The following PDE9A variants were observed in gnomAD, a reference collection of about 807,000 sequenced individuals.
PDE9A encodes phosphodiesterase 9A, also known as high affinity cGMP-specific 3',5'-cyclic phosphodiesterase 9A.
PDE9A carries 60 observed loss-of-function variants against 87.4 expected under a neutral mutation model. The observed-to-expected ratio is 0.69, with a 90% confidence interval of 0.56 to 0.85. The LOEUF (loss-of-function observed/expected upper bound fraction) is 0.85. PDE9A is among the 40% of genes least tolerant of loss of function. The pLI is 0.00. For missense variants in PDE9A, 665 were observed against 779.0 expected (o/e 0.85, Z 1.74); for synonymous variants, 272 against 279.4 (o/e 0.97, Z 0.27).
chr21:42,661,481 C>T (rs896977850), intron 1 of PDE9A, among the ~76,000 whole-genome samples: 5 of 141,504 alleles, frequency 3.5e-5, no homozygotes, highest in Non-Finnish European at 7.7e-5. Flanking sequence ...GAAGTGGAAT[C>T]ACACAGGATC....
Position 42,769,076 on chromosome 21 carries a change from G to C in PDE9A, c.1511G>C (p.Arg504Pro). ...EGLPVAPFMD[R>P]DKVTKATAQI... ...CTTCCTGTGGCACCGTTCATGGACCGAGACAAAGTGACCAAGGCCACAGCC... is the reference window on the plus strand; with the variant it reads ...CTTCCTGTGGCACCGTTCATGGACCCAGACAAAGTGACCAAGGCCACAGCC... Residue 504 changes from arginine to proline, a missense_variant, in exon 17 of 20, where the codon CGA becomes CCA. Physicochemically the swap from Arg to Pro is moderately radical, Grantham distance 103. Coordinates refer to ENST00000291539, the MANE Select transcript of PDE9A (RefSeq NM_002606.3). 1.2e-6 allele frequency: 2 copies of C among 1,613,770 alleles called. No homozygotes were observed. The highest frequency in any genetic ancestry group is 1.7e-6 in the Non-Finnish European group (2 of 1,179,730).
chr21:42,687,170 G>T (rs553381327), intron 2 of PDE9A, among the ~76,000 whole-genome samples: 94 of 152,320 alleles, frequency 6.2e-4, no homozygotes, highest in Non-Finnish European at 6.5e-4. Flanking sequence ...AAGTTAGGAC[G>T]GAGGTGGAGA....
chr21:42,693,464 A>G (rs1314888724), intron 3 of PDE9A, among the ~76,000 whole-genome samples: 1 of 150,802 alleles, frequency 6.6e-6, no homozygotes, highest in African/African-American at 2.4e-5. Flanking sequence ...ACGCCCAGCT[A>G]ATTTTTTGTG....
rs556007301 is a variant in PDE9A, at chr21:42,738,492, C to T, written c.568+5066C>T. On this transcript the variant is annotated intron_variant, in intron 7 of 19. Transcript: ENST00000291539. ...GCACAGAGCCTCCTGAGCCTCGGCT[C>T]AGCTCTCCCCGACCCCCAGCTCGGC... Among the ~76,000 whole-genome samples the T allele has an allele frequency of 5.9e-5, 9 of 152,220 alleles. No individual in the cohort carries two copies. The South Asian group carries it at 1.9e-3, about 32-fold the overall frequency.
At chr21:42,665,280 G>A (rs2145879879) in intron 1 of PDE9A, among the ~76,000 whole-genome samples, 1 of 152,232 alleles carries the variant, frequency 6.6e-6, no homozygotes, top group East Asian at 1.9e-4. Flanking sequence ...CCGGAGCCAA[G>A]AGAGATAAAC....
intron 7 of PDE9A, among the ~76,000 whole-genome samples, chr21:42,742,744 C>T (rs1333549792): frequency 6.6e-6 from 1 of 151,996 alleles, no homozygotes. Flanking sequence ...GGATTACAGG[C>T]GTGAGCCACT....
intron 1 of PDE9A, among the ~76,000 whole-genome samples, chr21:42,683,022 C>T (rs913653929): frequency 3.3e-5 from 5 of 152,228 alleles, no homozygotes; most frequent in African/African-American, 1.2e-4. Context: ...TACAAAAAAT[C>T]TAGGTCGTTA....
chr21:42,666,966 C>T (rs1227402640), intron 1 of PDE9A, among the ~76,000 whole-genome samples: 1 of 152,220 alleles, frequency 6.6e-6, no homozygotes, highest in Non-Finnish European at 1.5e-5. Flanking sequence ...AGGTCCCGCG[C>T]CTGGTGACCG....
intron 17 of PDE9A, 127 bp from the exon 18 acceptor site, chr21:42,770,576 G>A (rs1185271373): frequency 2.1e-5 from 14 of 675,674 alleles, no homozygotes; most frequent in East Asian, 2.7e-5. Context: ...GAGCCGGCAC[G>A]AGGGTGTCCA....
chr21:42,761,915 C>T (rs921761985), intron 13 of PDE9A, among the ~76,000 whole-genome samples, 168 bp from the exon 14 acceptor site: 5 of 152,104 alleles, frequency 3.3e-5, no homozygotes, highest in East Asian at 1.9e-4. Context: ...GGCAGCTGAG[C>T]GGCAGGAGGG....
At chr21:42,763,245 A>G (rs2056008558) in intron 14 of PDE9A, among the ~76,000 whole-genome samples, 1 of 152,232 alleles carries the variant, frequency 6.6e-6, no homozygotes, top group Non-Finnish European at 1.5e-5. Context: ...AGCGTCCTTC[A>G]AACAAGGTCC....
intron 4 of PDE9A, among the ~76,000 whole-genome samples, chr21:42,708,918 C>G (rs956552044): frequency 1.3e-5 from 2 of 152,100 alleles, no homozygotes; most frequent in African/African-American, 4.8e-5. Context: ...CCACCCAAAC[C>G]AGAAATACCA....
chr21:42,687,818 T>C, intron 2 of PDE9A, 99 bp from the exon 3 acceptor site: 2 of 1,015,772 alleles, frequency 2.0e-6, no homozygotes, highest in Non-Finnish European at 3.1e-6. Context: ...GTCCTGGGAC[T>C]GTCCTGGTTG....
chr21:42,769,722 A>ACACACTCGTG (rs1313406351), intron 17 of PDE9A, among the ~76,000 whole-genome samples: 9 of 148,764 alleles, frequency 6.0e-5, no homozygotes, highest in Middle Eastern at 3.2e-3. Flanking sequence ...ACACGCAGGC[A>ACACACTCGTG]CACACGTACA....
In PDE9A at chr21:42,702,667, C is replaced by T. The variant is rs2048471498; in HGVS notation, c.262+3656C>T. ...GATGCCTTTGAGCCCCACCTTTAAGCTTTGTGAGAATGGCTCTAGAGGGCC... is the reference window on the plus strand; with the variant it reads ...GATGCCTTTGAGCCCCACCTTTAAGTTTTGTGAGAATGGCTCTAGAGGGCC... On this transcript the variant is annotated intron_variant, in intron 4 of 19. Transcript: ENST00000291539. The surrounding 1 kb of genome is among the most constrained non-coding windows in gnomAD (Gnocchi z 4.9). Among the ~76,000 whole-genome samples the T allele has an allele frequency of 6.6e-6, 1 of 152,230 alleles. No individual in the cohort carries two copies. The highest frequency in any genetic ancestry group is 2.1e-4 in the South Asian group (1 of 4,834).
intron 1 of PDE9A, among the ~76,000 whole-genome samples, chr21:42,666,165 G>T (rs1265083641): frequency 2.0e-5 from 3 of 152,150 alleles, no homozygotes; most frequent in Non-Finnish European, 4.4e-5. Flanking sequence ...GGTCATTCGT[G>T]CAGTGGGCGT....
chr21:42,704,750 G>C lies in PDE9A; in HGVS notation c.262+5739G>C, dbSNP rs1602159226. Among the ~76,000 whole-genome samples, 1 of 151,968 alleles carries C rather than the reference G, an allele frequency of 6.6e-6. No homozygotes were observed. Among genetic ancestry groups the C allele is most frequent in the Admixed American group, 6.6e-5 (1 of 15,254 alleles). On this transcript the variant is annotated intron_variant, in intron 4 of 19. Coordinates refer to ENST00000291539, the MANE Select transcript of PDE9A (RefSeq NM_002606.3). This position sits in a 1 kb window ranked among gnomAD's most constrained non-coding sequence, Gnocchi z 5.3. The stretch of plus-strand genomic sequence containing the variant: ...TTTCTAGACTAGCACAAGGCTCAGG[G>C]GGTGGGGGGTGGGGGCAGGGTGCAG...
At position 42,699,126 on chromosome 21, in the gene PDE9A, A is replaced by G. The variant is rs142554955; in HGVS notation, c.262+115A>G. 0.01 allele frequency: 7,167 copies of G among 707,610 alleles called. 58 individuals carry two copies. The highest frequency in any genetic ancestry group is 0.014 in the Non-Finnish European group (5,503 of 394,522). The allele number at this position is 707,610 out of a possible 1,614,324, so 43.8% of individuals were successfully genotyped here. A position where few individuals can be genotyped will look rare whatever the true frequency, so the allele number is the denominator to read the frequency against. On this transcript the variant is annotated intron_variant, in intron 4 of 19. Transcript: ENST00000291539. ...TTGAATCTAAGCATTTGAAATATAT[A>G]TGAGTTACCTTTGAAGCATTTAACT...
At chr21:42,683,193 T>A (rs1240998847) in intron 1 of PDE9A, among the ~76,000 whole-genome samples, 2 of 151,984 alleles carry the variant, frequency 1.3e-5, no homozygotes, top group African/African-American at 4.8e-5. Flanking sequence ...GGCTGCAGCC[T>A]CATGAAGCCA....
Sources: allele counts gnomAD v4.1 joint callset (sites outside exome capture counted in the v4.1 genomes callset), GRCh38; gene constraint gnomAD v4.1.1; non-coding constraint Gnocchi (gnomAD v3.1); transcripts MANE v1.5; gene names NCBI Gene and HGNC (gene_info 2026-07-23, HGNC 2026-07-21).